The following LDLRAD3 variants were observed in gnomAD, a reference collection of about 807,000 sequenced individuals.
The protein encoded by LDLRAD3 is low-density lipoprotein receptor class A domain-containing protein 3.
In LDLRAD3, 20 loss-of-function variants were observed where a neutral mutation model predicts 29.4. The ratio of observed to expected loss-of-function variants is 0.68; its 90% confidence interval spans 0.48 to 0.99. The LOEUF (loss-of-function observed/expected upper bound fraction) is 0.99, where lower values mean the gene tolerates loss of function less well. Ranked by LOEUF, LDLRAD3 falls within the 50% of genes least tolerant of loss-of-function variation. The probability of loss-of-function intolerance (pLI) is 0.00; values close to 1 mark genes in which losing one functional copy is unlikely to be tolerated. For synonymous variants in LDLRAD3, 157 were observed against 192.7 expected (o/e 0.81, Z 1.53); for missense variants, 420 against 454.3 (o/e 0.92, Z 0.69).
Position 36,019,077 on chromosome 11 carries a change from T to C in LDLRAD3, c.47-17026T>C, listed in dbSNP as rs537393280. Reference sequence around the variant, plus strand: ...CATTGAAGGCTTTGGTTTTCTGCTTTGTTTTTATTTAATTAGGTGAAATTT... The same window carrying C: ...CATTGAAGGCTTTGGTTTTCTGCTTCGTTTTTATTTAATTAGGTGAAATTT... On this transcript the variant is annotated intron_variant, in intron 1 of 5. Transcript: ENST00000315571. Among the ~76,000 whole-genome samples, 6 of 152,332 alleles carry C rather than the reference T, an allele frequency of 3.9e-5. No individual in the cohort carries two copies. The South Asian group carries it at 1.0e-3, about 26-fold the overall frequency.
intron 4 of LDLRAD3, among the ~76,000 whole-genome samples, chr11:36,103,071 A>G (rs1041757579): frequency 6.6e-6 from 1 of 152,036 alleles, no homozygotes; most frequent in Non-Finnish European, 1.5e-5. Context: ...TGTGCAACCA[A>G]TCTCCAGAAC....
At chr11:36,186,826 G>A (rs1854856344) in intron 4 of LDLRAD3, among the ~76,000 whole-genome samples, 1 of 152,164 alleles carries the variant, frequency 6.6e-6, no homozygotes, top group African/African-American at 2.4e-5. Flanking sequence ...GGTTACGTGG[G>A]CATATGCATT....
chr11:36,036,071 G>C, intron 1 of LDLRAD3, 32 bp from the exon 2 acceptor site: 1 of 1,603,628 alleles, frequency 6.2e-7, no homozygotes, highest in Non-Finnish European at 8.5e-7. Flanking sequence ...TGCTGTTGCT[G>C]TGCCGTCTGA....
intron 4 of LDLRAD3, among the ~76,000 whole-genome samples, chr11:36,206,876 C>T (rs867896614): frequency 1.1e-4 from 16 of 152,016 alleles, no homozygotes; most frequent in Middle Eastern, 6.8e-3. Flanking sequence ...CAGGCGCCCC[C>T]GCCACCAAGC....
intron 1 of LDLRAD3, among the ~76,000 whole-genome samples, chr11:36,004,961 A>ACTGGGTC (rs1439039160): frequency 6.6e-6 from 1 of 152,186 alleles, no homozygotes; most frequent in Non-Finnish European, 1.5e-5. Context: ...GCAGAGAGCA[A>ACTGGGTC]CTGGGTCCTG....
At chr11:36,047,507 C>A (rs1467025287) in intron 2 of LDLRAD3, among the ~76,000 whole-genome samples, 1 of 152,186 alleles carries the variant, frequency 6.6e-6, no homozygotes, top group Non-Finnish European at 1.5e-5. Flanking sequence ...CACTCAGTGG[C>A]ATCTTGGATT....
intron 4 of LDLRAD3, among the ~76,000 whole-genome samples, chr11:36,136,281 A>G (rs1473413814): frequency 6.6e-6 from 1 of 152,020 alleles, no homozygotes; most frequent in Non-Finnish European, 1.5e-5. Context: ...CTTCACAACA[A>G]CCCCACAAGG....
intron 1 of LDLRAD3, among the ~76,000 whole-genome samples, chr11:35,950,842 G>C (rs1452119686): frequency 6.6e-6 from 1 of 152,134 alleles, no homozygotes; most frequent in Non-Finnish European, 1.5e-5. Flanking sequence ...CCAGCACTTT[G>C]GGGGGCCGAG....
At chr11:36,160,173 G>A (rs148265980) in intron 4 of LDLRAD3, among the ~76,000 whole-genome samples, 10 of 152,282 alleles carry the variant, frequency 6.6e-5, no homozygotes, top group East Asian at 5.8e-4. Flanking sequence ...GTGAATGAAC[G>A]TCCTGGTGAA....
Position 36,209,478 on chromosome 11 carries a change from G to A in LDLRAD3, c.455-17607G>A, listed in dbSNP as rs529232357. On this transcript the variant is annotated intron_variant, in intron 4 of 5. Coordinates refer to ENST00000315571, the MANE Select transcript of LDLRAD3 (RefSeq NM_174902.4). The stretch of plus-strand genomic sequence containing the variant: ...GGGTTCAAGCAATTCTCTTGCCTCA[G>A]CCTCCTGAGTAGCTGGGATTACAGG... 4.1e-4 allele frequency among the ~76,000 whole-genome samples: 62 copies of A among 149,436 alleles called. 1 individual carries two copies. Among genetic ancestry groups the A allele is most frequent in the African/African-American group, 1.5e-3 (59 of 40,344 alleles).
At chr11:36,011,181 A>G (rs1215393355) in intron 1 of LDLRAD3, among the ~76,000 whole-genome samples, 3 of 152,204 alleles carry the variant, frequency 2.0e-5, no homozygotes, top group Non-Finnish European at 2.9e-5. Context: ...TAATTATAAA[A>G]TAATTTTAAT....
intron 1 of LDLRAD3, among the ~76,000 whole-genome samples, chr11:36,012,631 T>TG (rs1851970568): frequency 6.6e-6 from 1 of 152,156 alleles, no homozygotes; most frequent in Non-Finnish European, 1.5e-5. Context: ...GTGTGTATGC[T>TG]GGACAAAGGG....
At chr11:36,191,120 A>G (rs1485918202) in intron 4 of LDLRAD3, among the ~76,000 whole-genome samples, 1 of 152,174 alleles carries the variant, frequency 6.6e-6, no homozygotes, top group Non-Finnish European at 1.5e-5. Context: ...GAGAGTGAAA[A>G]GGAGCCTCTG....
At chr11:36,015,204 G>T (rs1590207103) in intron 1 of LDLRAD3, among the ~76,000 whole-genome samples, 1 of 152,228 alleles carries the variant, frequency 6.6e-6, no homozygotes, top group African/African-American at 2.4e-5. Flanking sequence ...TTATCAGGGT[G>T]TGGCTCGTGC....
chr11:36,027,825 G>T (rs1207649030), intron 1 of LDLRAD3, among the ~76,000 whole-genome samples: 1 of 152,182 alleles, frequency 6.6e-6, no homozygotes, highest in Admixed American at 6.5e-5. Context: ...GTGCAGAGTC[G>T]ATTGGCTCTC....
At chr11:36,064,570 T>G (rs1852760988) in intron 2 of LDLRAD3, among the ~76,000 whole-genome samples, 1 of 151,448 alleles carries the variant, frequency 6.6e-6, no homozygotes, top group Admixed American at 6.6e-5. Flanking sequence ...TCTGCCCTTC[T>G]TAGCCTCCCA....
intron 2 of LDLRAD3, among the ~76,000 whole-genome samples, chr11:36,062,234 A>G (rs1002050852): frequency 6.6e-6 from 1 of 152,242 alleles, no homozygotes; most frequent in African/African-American, 2.4e-5. Flanking sequence ...AATATGGGCT[A>G]TAGCCCATAT....
intron 1 of LDLRAD3, among the ~76,000 whole-genome samples, chr11:35,950,350 T>C (rs1470794802): frequency 2.0e-5 from 3 of 152,224 alleles, no homozygotes; most frequent in Admixed American, 2.0e-4. Flanking sequence ...ATGACACATG[T>C]CCTAGTTTGC....
chr11:36,075,795 T>C (rs1018748171), intron 2 of LDLRAD3, among the ~76,000 whole-genome samples: 3 of 152,220 alleles, frequency 2.0e-5, no homozygotes, highest in Non-Finnish European at 4.4e-5. Context: ...AGATCCTTAT[T>C]TTGTTGGCCT....
Sources: allele counts gnomAD v4.1 joint callset (sites outside exome capture counted in the v4.1 genomes callset), GRCh38; gene constraint gnomAD v4.1.1; transcripts MANE v1.5; gene names NCBI Gene and HGNC (gene_info 2026-07-23, HGNC 2026-07-21).